The following FANCA variants were observed in gnomAD, a reference collection of about 807,000 sequenced individuals.
FANCA encodes FA complementation group A.
Under a neutral mutation model 194.3 loss-of-function variants are expected in FANCA, and 236 were observed. The ratio of observed to expected loss-of-function variants is 1.21; its 90% CI spans 1.09 to 1.35. FANCA has a LOEUF of 1.35. FANCA is among the 40% of genes most tolerant of loss of function. FANCA has a pLI of 0.00. For synonymous variants in FANCA, 1,014 were observed against 715.8 expected (o/e 1.42, Z -6.65); for missense variants, 2,628 against 1,813.9 (o/e 1.45, Z -8.15).
intron 38 of FANCA, 36 bp from the exon 39 acceptor site, chr16:89,740,135 G>A (rs377071386): frequency 1.9e-5 from 30 of 1,544,744 alleles, no homozygotes; most frequent in African/African-American, 2.7e-5. Context: ...GAGAATGGCC[G>A]ACCTGGTGCT....
At chr16:89,799,279 C>A in intron 9 of FANCA, 47 bp from the exon 10 acceptor site, 1 of 1,609,024 alleles carries the variant, frequency 6.2e-7, no homozygotes, top group South Asian at 1.1e-5. Context: ...CACACGGCGG[C>A]AGCCCACCAG....
At chr16:89,805,484 G>A in intron 6 of FANCA, 92 bp from the exon 7 acceptor site, 2 of 973,022 alleles carry the variant, frequency 2.1e-6, no homozygotes, top group Non-Finnish European at 3.2e-6. Flanking sequence ...TTTTTTTTGA[G>A]ACAGTTTTTT....
Position 89,742,791 on chromosome 16 carries a change from C to T in FANCA, c.3765+9G>A, listed in dbSNP as rs760844816. ...GAAAATAAATCAGTAAAAGAATTTC[C>T]TATCTTGCCTCCTCTCTCTCGCAGT... On this transcript the variant is annotated intron_variant, in intron 37 of 42. Transcript: ENST00000389301. The T allele has an allele frequency of 6.2e-7, 1 of 1,611,314 alleles. No homozygotes were observed. Among genetic ancestry groups the T allele is most frequent in the Non-Finnish European group, 8.5e-7 (1 of 1,178,310 alleles).
At chr16:89,748,871 G>T (rs1305483403) in intron 32 of FANCA, 104 bp from the exon 33 acceptor site, 1 of 912,580 alleles carries the variant, frequency 1.1e-6, no homozygotes, top group Non-Finnish European at 1.7e-6. Flanking sequence ...GAAACCCAGG[G>T]CCACTGTTGG....
rs916681089 is a variant in FANCA at position 89,740,411 on chromosome 16, C to G, written c.3829-312G>C. On this transcript the variant is annotated intron_variant, in intron 38 of 42. Coordinates refer to ENST00000389301, the MANE Select transcript of FANCA (RefSeq NM_000135.4). ...TCCCAACACTTTGGGAGGCCGAGGT[C>G]GGCGGATCACTGAGGCCAGTTCAAG... 5 of 466,950 alleles carry G rather than the reference C, an allele frequency of 1.1e-5. No homozygotes were observed. The Admixed American group carries it at 1.4e-4, about 13-fold the overall frequency. The allele number at this position is 466,950 out of a possible 1,614,324, so 28.9% of individuals were successfully genotyped here.
intron 6 of FANCA, among the ~76,000 whole-genome samples, chr16:89,805,792 T>C (rs185512155): frequency 6.6e-6 from 1 of 152,028 alleles, no homozygotes; most frequent in Non-Finnish European, 1.5e-5. Context: ...AACTTTCAAA[T>C]ATTGTGGATT....
Position 89,799,185 on chromosome 16 carries a change from G to A in FANCA, c.874C>T (p.His292Tyr), listed in dbSNP as rs200220791. The stretch of plus-strand genomic sequence containing the variant: ...ACATACCAGCACCTCACGATCTTGT[G>A]AGTGGAGGACTCCTCCTGTACTCCA... ...AAGVQEESSTHKIVRCWFGVF... is the reference protein window; with the variant it reads ...AAGVQEESSTYKIVRCWFGVF... Residue 292 changes from histidine (H) to tyrosine (Y), a missense_variant, in exon 10 of 43, where the codon CAC (histidine) becomes TAC (tyrosine). Physicochemically the swap from His to Tyr is moderately conservative, Grantham distance 83. Transcript: ENST00000389301. The A allele has an allele frequency of 1.2e-6, 2 of 1,614,182 alleles. No individual in the cohort carries two copies. Among genetic ancestry groups the A allele is most frequent in the Admixed American group, 3.3e-5 (2 of 60,022 alleles).
At chr16:89,778,480 A>C (rs1283093710) in intron 20 of FANCA, 2 of 332,850 alleles carry the variant, frequency 6.0e-6, no homozygotes, top group Non-Finnish European at 1.1e-5. Flanking sequence ...AAAAAAAAAA[A>C]AAAAACTTAG....
chr16:89,782,460 G>A (rs1203885682), intron 17 of FANCA, among the ~76,000 whole-genome samples: 4 of 151,548 alleles, frequency 2.6e-5, no homozygotes, highest in African/African-American at 7.3e-5. Flanking sequence ...GCAGTGAGCC[G>A]AGATTGCGCC....
chr16:89,790,255 G>C (rs2040023414), intron 14 of FANCA, among the ~76,000 whole-genome samples: 1 of 151,316 alleles, frequency 6.6e-6, no homozygotes, highest in Non-Finnish European at 1.5e-5. Flanking sequence ...TTAGCCAGGT[G>C]TGGTGGCGAA....
In FANCA at chr16:89,769,863, C is replaced by A; in HGVS notation, c.2478G>T (p.Thr826=). ...TCAGGCAGAAGAACAAGGAATCCCT[C>A]GTCCTACAGGTCAGGAGGCTGTCAA... The part of the protein sequence containing the change: ...ALFDSLLTCR[T]RDSLFFCLKF... Residue 826 remains threonine (T), a synonymous_variant, in exon 26 of 43, where the codon ACG becomes ACT. Coordinates refer to ENST00000389301, the MANE Select transcript of FANCA (RefSeq NM_000135.4). The A allele has an allele frequency of 6.2e-7, 1 of 1,614,120 alleles. No individual in the cohort carries two copies. The highest frequency in any genetic ancestry group is 8.5e-7 in the Non-Finnish European group (1 of 1,180,022).
At chr16:89,790,014 G>A (rs1200408881) in intron 14 of FANCA, among the ~76,000 whole-genome samples, 3 of 152,154 alleles carry the variant, frequency 2.0e-5, no homozygotes, top group African/African-American at 7.2e-5. Flanking sequence ...ATAAACTTCT[G>A]TCAGAGAGCA....
chr16:89,770,716 G>A, intron 23 of FANCA, 82 bp from the exon 24 acceptor site: 4 of 1,233,266 alleles, frequency 3.2e-6, no homozygotes, highest in Non-Finnish European at 4.7e-6. Flanking sequence ...TCCCGCCACA[G>A]ACATCGCAAT....
intron 30 of FANCA, among the ~76,000 whole-genome samples, chr16:89,754,674 C>T (rs768671877): frequency 9.9e-5 from 15 of 151,936 alleles, no homozygotes; most frequent in Non-Finnish European, 7.4e-5. Context: ...TGGCCAGACA[C>T]GATCTTATAT....
chr16:89,810,813 A>C lies in FANCA; in HGVS notation c.427-11T>G. ...GGAAGACAGCTTCTTCTGAAAAGAG[A>C]GATTACATTTTTTAAAAAACAAATT... On this transcript the variant is annotated splice_polypyrimidine_tract_variant and intron_variant, in intron 4 of 42. Coordinates refer to ENST00000389301, the MANE Select transcript of FANCA (RefSeq NM_000135.4). The C allele has an allele frequency of 6.2e-7, 1 of 1,612,390 alleles. No individual in the cohort carries two copies. The highest frequency in any genetic ancestry group is 8.5e-7 in the Non-Finnish European group (1 of 1,178,352).
chr16:89,740,392 C>A, intron 38 of FANCA: 1 of 494,442 alleles, frequency 2.0e-6, no homozygotes, highest in Non-Finnish European at 3.7e-6. Flanking sequence ...GTAATCCCAA[C>A]ACTTTGGGAG....
In FANCA at chr16:89,744,949, C is replaced by G. The variant is rs753929458; in HGVS notation, c.3626+10G>C. 1.2e-5 allele frequency: 20 copies of G among 1,610,828 alleles called. No individual in the cohort carries two copies. Among genetic ancestry groups the G allele is most frequent in the Non-Finnish European group, 1.6e-5 (19 of 1,179,406 alleles). On this transcript the variant is annotated intron_variant, in intron 36 of 42. Transcript: ENST00000389301. ...GGGCGGGCACACCCCATCTCACCAC[C>G]CACACGTACTCGCTGGCAAACTGCC...
chr16:89,744,416 G>A (rs549062412), intron 36 of FANCA, among the ~76,000 whole-genome samples: 3 of 152,200 alleles, frequency 2.0e-5, no homozygotes, highest in East Asian at 1.9e-4. Context: ...AGCCTGGATT[G>A]CGCCAGGAGC....
chr16:89,782,870 C>G lies in FANCA; in HGVS notation c.1615G>C (p.Asp539His). Reference sequence around the variant, plus strand: ...TCAAGCAACATTACCTCAGTAATGTCCCCAGCTGATGACAAATCCTCGTAG... The same window carrying G: ...TCAAGCAACATTACCTCAGTAATGTGCCCAGCTGATGACAAATCCTCGTAG... The part of the protein sequence containing the change: ...GLYEDLSSAG[D>H]ITEPHSQALQ... Residue 539 changes from aspartate to histidine, a missense_variant, in exon 17 of 43, where the codon GAC becomes CAC. By Grantham distance (81) the Asp-to-His change is moderately conservative. Transcript: ENST00000389301. The G allele has an allele frequency of 6.2e-7, 1 of 1,613,842 alleles. No homozygotes were observed. The highest frequency in any genetic ancestry group is 8.5e-7 in the Non-Finnish European group (1 of 1,179,714).
Sources: allele counts gnomAD v4.1 joint callset (sites outside exome capture counted in the v4.1 genomes callset), GRCh38; gene constraint gnomAD v4.1.1; transcripts MANE v1.5; gene names NCBI Gene and HGNC (gene_info 2026-07-23, HGNC 2026-07-21).